Variants in NPAS3 observed in about 807,000 individuals in gnomAD.
NPAS3 encodes neuronal PAS domain-containing protein 3.
NPAS3 carries 14 observed loss-of-function variants against 73.1 expected under a neutral mutation model. That is an observed-to-expected ratio of 0.19 (90% CI 0.13 to 0.30). The LOEUF (loss-of-function observed/expected upper bound fraction) is 0.30. NPAS3 is among the 10% of genes least tolerant of loss of function. NPAS3 has a pLI of 1.00. For missense variants in NPAS3, 1,096 were observed against 1,250.0 expected (o/e 0.88, Z 1.86); for synonymous variants, 620 against 541.5 (o/e 1.14, Z -2.01).
chr14:33,085,548 C>G (rs2138756291), intron 2 of NPAS3, among the ~76,000 whole-genome samples: 1 of 152,260 alleles, frequency 6.6e-6, no homozygotes, highest in South Asian at 2.1e-4. Flanking sequence ...TTCACAGTGG[C>G]CCCCAGTGGG....
chr14:33,579,019 A>G (rs1485681830), intron 5 of NPAS3, among the ~76,000 whole-genome samples: 2 of 152,216 alleles, frequency 1.3e-5, no homozygotes, highest in Non-Finnish European at 1.5e-5. Flanking sequence ...ACAGCAAGTT[A>G]TACCTGTTTG....
chr14:33,285,443 T>C (rs1414380153), intron 3 of NPAS3, among the ~76,000 whole-genome samples: 2 of 152,202 alleles, frequency 1.3e-5, no homozygotes, highest in Non-Finnish European at 2.9e-5. Context: ...CCAATTCATC[T>C]TGGCTGTATA....
chr14:33,346,057 C>A (rs1208606046), intron 3 of NPAS3, among the ~76,000 whole-genome samples: 1 of 151,638 alleles, frequency 6.6e-6, no homozygotes, highest in Non-Finnish European at 1.5e-5. Flanking sequence ...ATGGTGAAAC[C>A]CCGTCTCTAC....
chr14:33,058,871 G>A (rs1277452224), intron 2 of NPAS3, among the ~76,000 whole-genome samples: 1 of 152,166 alleles, frequency 6.6e-6, no homozygotes, highest in Admixed American at 6.5e-5. Context: ...TAATATATAG[G>A]TGTTGTCACT....
Position 33,735,262 on chromosome 14 carries a change from G to A in NPAS3, c.782G>A (p.Arg261His), listed in dbSNP as rs950848692. 1.4e-5 allele frequency: 23 copies of A among 1,613,526 alleles called. No homozygotes were observed. Among genetic ancestry groups the A allele is most frequent in the East Asian group, 2.2e-5 (1 of 44,872 alleles). Residue 261 changes from arginine to histidine, a missense_variant, in exon 7 of 12, where the codon CGT becomes CAT. Coordinates refer to ENST00000356141, the Ensembl canonical transcript of NPAS3. The stretch of plus-strand genomic sequence containing the variant: ...CTAACCACTGACAACACTCTTGAGC[G>A]TTCCTTTTTCATCCGAATGAAATCT...
chr14:33,544,825 A>ATTATATATATATATATAAT lies in NPAS3; in HGVS notation c.469-15295_469-15294insTATATATATATATATAATT, dbSNP rs2054747108. ...ATATATATATATGTATATATAATAT[A>ATTATATATATATATATAAT]TATGTGTATATATATATTATATATA... On this transcript the variant is annotated intron_variant, in intron 4 of 11. Coordinates refer to ENST00000356141, the Ensembl canonical transcript of NPAS3. Among the ~76,000 whole-genome samples the ATTATATATATATATATAAT allele has an allele frequency of 1.5e-3, 163 of 112,068 alleles. 7 individuals carry two copies. The highest frequency in any genetic ancestry group is 3.3e-3 in the African/African-American group (81 of 24,506). The allele number at this position is 112,068 out of a possible 152,430, so 73.5% of individuals were successfully genotyped here. A position where few individuals can be genotyped will look rare whatever the true frequency, so the allele number is the denominator to read the frequency against.
At chr14:33,036,610 T>C (rs1378272785) in intron 1 of NPAS3, among the ~76,000 whole-genome samples, 1 of 152,182 alleles carries the variant, frequency 6.6e-6, no homozygotes, top group Non-Finnish European at 1.5e-5. Context: ...TTCTTAAAGG[T>C]AATTTGAAGA....
intron 1 of NPAS3, among the ~76,000 whole-genome samples, chr14:32,951,758 CATTT>C (rs2036492503): frequency 6.6e-6 from 1 of 152,044 alleles, no homozygotes; most frequent in Admixed American, 6.6e-5. Context: ...GTTCCTAAAA[CATTT>C]ATAGAGGAAT....
intron 2 of NPAS3, among the ~76,000 whole-genome samples, chr14:33,160,881 C>CT (rs2044853905): frequency 6.6e-6 from 1 of 152,128 alleles, no homozygotes; most frequent in South Asian, 2.1e-4. Context: ...ATGAAAAACT[C>CT]TGAGTTTCTC....
At chr14:33,242,539 A>G (rs1301610347) in intron 3 of NPAS3, among the ~76,000 whole-genome samples, 2 of 152,140 alleles carry the variant, frequency 1.3e-5, no homozygotes, top group East Asian at 1.9e-4. Context: ...TTTTTCATTC[A>G]TAGCCTTTTC....
chr14:33,250,888 C>G (rs1232750132), intron 3 of NPAS3, among the ~76,000 whole-genome samples: 1 of 152,012 alleles, frequency 6.6e-6, no homozygotes, highest in Non-Finnish European at 1.5e-5. Context: ...TTATAATAAC[C>G]TACCCTTATT....
chr14:33,182,277 G>C (rs1283261075), intron 2 of NPAS3, among the ~76,000 whole-genome samples: 1 of 151,862 alleles, frequency 6.6e-6, no homozygotes, highest in Non-Finnish European at 1.5e-5. Context: ...TTTTTTTCTG[G>C]ATGTTCAACA....
At chr14:33,503,941 T>C (rs1329563538) in intron 4 of NPAS3, among the ~76,000 whole-genome samples, 2 of 151,976 alleles carry the variant, frequency 1.3e-5, no homozygotes, top group African/African-American at 4.8e-5. Context: ...TAACTAAATA[T>C]TTTTAGAAAA....
chr14:33,076,188 A>G (rs2041653299), intron 2 of NPAS3, among the ~76,000 whole-genome samples: 1 of 152,210 alleles, frequency 6.6e-6, no homozygotes, highest in African/African-American at 2.4e-5. Context: ...AAGGAAAAAC[A>G]AGACCTCACA....
intron 1 of NPAS3, among the ~76,000 whole-genome samples, chr14:33,039,204 T>C (rs1158110127): frequency 6.6e-6 from 1 of 152,210 alleles, no homozygotes; most frequent in African/African-American, 2.4e-5. Flanking sequence ...GTCACTTGCA[T>C]ACATTTTATG....
chr14:32,963,566 C>T (rs77416565), intron 1 of NPAS3, among the ~76,000 whole-genome samples: 2,640 of 152,126 alleles, frequency 0.017, 68 homozygotes, highest in African/African-American at 0.06. Flanking sequence ...TACTTACTGA[C>T]GTGGTGGTCC....
At chr14:33,762,013 T>C (rs1442356372) in intron 7 of NPAS3, among the ~76,000 whole-genome samples, 2 of 152,222 alleles carry the variant, frequency 1.3e-5, no homozygotes, top group Non-Finnish European at 2.9e-5. Context: ...ATTTAAACTC[T>C]TCTTTTCTAA....
chr14:33,650,891 C>T (rs913787760), intron 5 of NPAS3, among the ~76,000 whole-genome samples: 15 of 152,280 alleles, frequency 9.9e-5, no homozygotes, highest in African/African-American at 3.6e-4. Context: ...CAGGCCAGAA[C>T]CGACAGACTT....
chr14:33,792,987 T>C (rs1405973482), intron 9 of NPAS3, among the ~76,000 whole-genome samples: 1 of 152,168 alleles, frequency 6.6e-6, no homozygotes, highest in Admixed American at 6.5e-5. Context: ...CCACAGCACT[T>C]TATTTCAGGG....
Sources: gnomAD v4.1 joint callset for allele counts (sites outside exome capture counted in the v4.1 genomes callset) on GRCh38, gnomAD v4.1.1 for gene constraint, MANE v1.5 for transcripts, NCBI Gene and HGNC (gene_info 2026-07-23, HGNC 2026-07-21) for gene names.